DEGS2: variants seen among roughly 807,000 people sequenced by gnomAD.
DEGS2 encodes the protein delta 4-desaturase, sphingolipid 2.
A neutral mutation model predicts 23.8 loss-of-function variants in DEGS2; 19 were observed. That is an observed-to-expected ratio of 0.80 (90% confidence interval 0.56 to 1.17). The LOEUF is 1.17. Ranked by LOEUF, DEGS2 falls within the 50% of genes most tolerant of loss-of-function variation. The pLI, the probability that DEGS2 is intolerant of heterozygous loss-of-function variation, is 0.00. For missense variants in DEGS2, 390 were observed against 459.5 expected (o/e 0.85, Z 1.38); for synonymous variants, 218 against 213.7 (o/e 1.02, Z -0.18).
chr14:100,147,727 C>T (rs1352523021), intron 2 of DEGS2, among the ~76,000 whole-genome samples: 5 of 147,346 alleles, frequency 3.4e-5, no homozygotes, highest in East Asian at 2.1e-4. Context: ...GCTCTCAGGA[C>T]GCAGGGAGCC....
chr14:100,159,525 C>T lies in DEGS2; in HGVS notation c.63G>A (p.Gln21=). Residue 21 remains glutamine (Q), a synonymous_variant, in exon 1 of 3, where the codon CAG becomes CAA. Coordinates refer to ENST00000305631, the MANE Select transcript of DEGS2 (RefSeq NM_206918.3). The part of the protein sequence containing the change: ...EWVYTDQPHT[Q]RRKEILAKYP... ...GCTCACCCAGTATCTCCTTGCGCCG[C>T]TGCGTGTGCGGCTGGTCGGTGTAGA... 1 of 1,506,664 alleles carries T rather than the reference C, an allele frequency of 6.6e-7. No individual in the cohort carries two copies. The highest frequency in any genetic ancestry group is 8.9e-7 in the Non-Finnish European group (1 of 1,129,380). 93.3% of individuals were successfully genotyped at this position (1,506,664 alleles called of 1,614,324 possible).
At chr14:100,163,415 C>A (rs1334585440), upstream of DEGS2, among the ~76,000 whole-genome samples, 1 of 152,088 alleles carries the variant, frequency 6.6e-6, no homozygotes, top group Admixed American at 6.5e-5. Flanking sequence ...GCACTCCAGC[C>A]TGGGAGACAA....
At chr14:100,147,047 A>G (rs1413623694) in intron 2 of DEGS2, 140 bp from the exon 3 acceptor site, 1 of 903,756 alleles carries the variant, frequency 1.1e-6, no homozygotes, top group East Asian at 2.7e-5. Flanking sequence ...GCGCACACCC[A>G]CACACACACA....
At chr14:100,161,002 A>T (rs1438479906), upstream of DEGS2, among the ~76,000 whole-genome samples, 1 of 152,228 alleles carries the variant, frequency 6.6e-6, no homozygotes, top group Non-Finnish European at 1.5e-5. Flanking sequence ...GTTCCCAGCC[A>T]GAAGGGTCCT....
chr14:100,158,470 G>A (rs1395027915), intron 1 of DEGS2, among the ~76,000 whole-genome samples: 3 of 152,152 alleles, frequency 2.0e-5, no homozygotes, highest in Non-Finnish European at 2.9e-5. Flanking sequence ...GCTGAGGCAG[G>A]AGAATCGCTT....
intron 1 of DEGS2, among the ~76,000 whole-genome samples, chr14:100,152,750 C>T (rs752981539): frequency 2.6e-5 from 4 of 152,160 alleles, no homozygotes; most frequent in Admixed American, 6.5e-5. Flanking sequence ...GGTTCTGAGG[C>T]CCTCAGACTC....
At chr14:100,149,808 A>T in intron 1 of DEGS2, 98 bp from the exon 2 acceptor site, 1 of 1,311,082 alleles carries the variant, frequency 7.6e-7, no homozygotes, top group Non-Finnish European at 1.1e-6. Flanking sequence ...AGAAGGTGGG[A>T]GTGGCCAGCA....
chr14:100,150,146 C>T (rs1889543150), intron 1 of DEGS2, among the ~76,000 whole-genome samples: 1 of 152,236 alleles, frequency 6.6e-6, no homozygotes, highest in Admixed American at 6.5e-5. Flanking sequence ...AGCAATGTCT[C>T]CTGTCAGGCA....
chr14:100,166,315 GCCT>G, the DEGS2 span, among the ~76,000 whole-genome samples: 6 of 24,226 alleles, frequency 2.5e-4, no homozygotes, highest in African/African-American at 1.9e-3. Flanking sequence ...CTGTGGGGGA[GCCT>G]GCCCGGGGCT....
chr14:100,149,044 T>A lies in DEGS2; in HGVS notation c.749A>T (p.Asn250Ile), dbSNP rs1316129992. The part of the protein sequence containing the change: ...HETYSYYGPL[N>I]WITFNVGYHV... Reference sequence around the variant, plus strand: ...GTAGCCCACATTGAAGGTGATCCAGTTGAGAGGCCCATAGTAGGAGTAGGT... The same window carrying A: ...GTAGCCCACATTGAAGGTGATCCAGATGAGAGGCCCATAGTAGGAGTAGGT... Residue 250 changes from asparagine (N) to isoleucine (I), a missense_variant, in exon 2 of 3, where the codon AAC (asparagine) becomes ATC (isoleucine). Coordinates refer to ENST00000305631, the MANE Select transcript of DEGS2 (RefSeq NM_206918.3). The A allele has an allele frequency of 1.9e-6, 3 of 1,612,738 alleles. No individual in the cohort carries two copies. The Admixed American group carries it at 5.0e-5, about 27-fold the overall frequency.
intron 1 of DEGS2, among the ~76,000 whole-genome samples, chr14:100,152,161 A>AGGCGAGGGTGAGATGAGGT (rs1403834527): frequency 6.6e-6 from 1 of 152,136 alleles, no homozygotes; most frequent in South Asian, 2.1e-4. Context: ...GCCCGAGGCA[A>AGGCGAGGGTGAGATGAGGT]GGCGAGGGTG....
chr14:100,151,289 G>C (rs78719562), intron 1 of DEGS2, among the ~76,000 whole-genome samples: 7,572 of 152,342 alleles, frequency 0.05, 264 homozygotes, highest in Non-Finnish European at 0.072. Context: ...AAGAGGAAAA[G>C]CTGGTCTTGG....
Position 100,159,496 on chromosome 14 carries a change from C to T in DEGS2, c.82+10G>A. The T allele has an allele frequency of 1.3e-6, 2 of 1,486,320 alleles. No individual in the cohort carries two copies. Among genetic ancestry groups the T allele is most frequent in the Non-Finnish European group, 8.9e-7 (1 of 1,119,606 alleles). 92.1% of individuals were successfully genotyped at this position (1,486,320 alleles called of 1,614,324 possible). ...GGTCCCCACCGGGGTGGGCCCCGCGCGGCGCTCACCCAGTATCTCCTTGCG... is the reference window on the plus strand; with the variant it reads ...GGTCCCCACCGGGGTGGGCCCCGCGTGGCGCTCACCCAGTATCTCCTTGCG... On this transcript the variant is annotated intron_variant, in intron 1 of 2. Transcript: ENST00000305631.
intron 2 of DEGS2, 26 bp from the exon 3 acceptor site, chr14:100,146,933 G>A: frequency 6.2e-7 from 1 of 1,602,976 alleles, no homozygotes; most frequent in South Asian, 1.1e-5. Context: ...CGGGGCTCAG[G>A]GGCTGGTTCT....
intron 1 of DEGS2, among the ~76,000 whole-genome samples, chr14:100,157,964 G>C (rs1485723133): frequency 6.6e-6 from 1 of 151,694 alleles, no homozygotes; most frequent in Non-Finnish European, 1.5e-5. Context: ...GCGGGTGCCT[G>C]TAATCCCAGC....
intron 1 of DEGS2, among the ~76,000 whole-genome samples, chr14:100,155,012 C>A (rs1361078838): frequency 6.6e-6 from 1 of 152,242 alleles, no homozygotes; most frequent in Non-Finnish European, 1.5e-5. Context: ...CAAGCCCTGG[C>A]TCTGGCAACA....
At chr14:100,148,646 G>A (rs1889500848) in intron 2 of DEGS2, among the ~76,000 whole-genome samples, 1 of 152,162 alleles carries the variant, frequency 6.6e-6, no homozygotes, top group African/African-American at 2.4e-5. Context: ...CGGGAAGGAT[G>A]GTGCTTCCCG....
chr14:100,166,305 CTGT>C, the DEGS2 span, among the ~76,000 whole-genome samples: 1 of 25,402 alleles, frequency 3.9e-5, no homozygotes. Flanking sequence ...CTGCCCGGGG[CTGT>C]GGGGGAGCCT....
At chr14:100,162,558 C>T (rs76785751), upstream of DEGS2, among the ~76,000 whole-genome samples, 9,371 of 151,926 alleles carry the variant, frequency 0.062, 605 homozygotes, top group African/African-American at 0.16. Context: ...CATGAGCCAC[C>T]GCGCTCAGCC....
Sources: gnomAD v4.1 joint callset for allele counts (sites outside exome capture counted in the v4.1 genomes callset) on GRCh38, gnomAD v4.1.1 for gene constraint, MANE v1.5 for transcripts, NCBI Gene and HGNC (gene_info 2026-07-23, HGNC 2026-07-21) for gene names.